Variants in PCID2 observed in about 807,000 individuals in gnomAD.
PCID2 encodes the protein PCI domain-containing protein 2.
PCID2 carries 41 observed loss-of-function variants against 61.3 expected under a neutral mutation model. The observed-to-expected ratio is 0.67, with a 90% confidence interval of 0.52 to 0.87. The LOEUF is 0.87. PCID2 is among the 40% of genes least tolerant of loss of function. The pLI, the probability that PCID2 is intolerant of heterozygous loss-of-function variation, is 0.00. For missense variants in PCID2, 392 were observed against 493.4 expected, an observed-to-expected ratio of 0.79 and a Z score of 1.95; for synonymous variants, 187 against 177.8, an observed-to-expected ratio of 1.05 and a Z score of -0.41.
rs375762372 is a variant in PCID2 at position 113,205,791 on chromosome 13, C to T, written c.36+2808G>A. On this transcript the variant is annotated intron_variant, in intron 1 of 13. Coordinates refer to ENST00000337344, the MANE Select transcript of PCID2 (RefSeq NM_001127202.4). The stretch of plus-strand genomic sequence containing the variant: ...TCCATACAGACAGAGAGCACATTAG[C>T]GGTTGACAAGCGCTCGGGAGGGAGG... 4.6e-5 allele frequency among the ~76,000 whole-genome samples: 7 copies of T among 152,306 alleles called. No homozygotes were observed. In the South Asian group the frequency reaches 8.3e-4, roughly 18 times the overall value.
intron 9 of PCID2, among the ~76,000 whole-genome samples, chr13:113,183,100 G>A (rs1482701570): frequency 6.6e-6 from 1 of 152,110 alleles, no homozygotes; most frequent in African/African-American, 2.4e-5. Context: ...CAAAATCTCT[G>A]CGAGCTACAA....
At chr13:113,190,442 G>C (rs376520190) in intron 7 of PCID2, among the ~76,000 whole-genome samples, 5 of 152,236 alleles carry the variant, frequency 3.3e-5, no homozygotes, top group Admixed American at 2.6e-4. Context: ...GTAGCAAATG[G>C]AGCCTTAAAA....
At chr13:113,205,899 A>G (rs1414652866) in intron 1 of PCID2, among the ~76,000 whole-genome samples, 2 of 152,244 alleles carry the variant, frequency 1.3e-5, no homozygotes, top group African/African-American at 4.8e-5. Context: ...GTTGTGCAAT[A>G]TTGTGAATGT....
the PCID2 span, among the ~76,000 whole-genome samples, chr13:113,167,860 T>C: frequency 6.6e-6 from 1 of 152,232 alleles, no homozygotes; most frequent in Non-Finnish European, 1.5e-5. Context: ...TCTTTTCCCC[T>C]TTTTCTGCCT....
Position 113,179,095 on chromosome 13 carries a change from AG to A in PCID2, c.987-7del. ...GTGTTTTCAGTAACAAATACCTGGA[AG>A]AGGGGAGGAGAAGGGCACTGTGGTT... On this transcript the variant is annotated splice_region_variant and splice_polypyrimidine_tract_variant and intron_variant, in intron 12 of 13. Transcript: ENST00000337344. This position sits in a 1 kb window ranked among gnomAD's most constrained non-coding sequence, Gnocchi z 4.3. 1 of 1,612,606 alleles carries A rather than the reference AG, an allele frequency of 6.2e-7. No individual in the cohort carries two copies. Among genetic ancestry groups the A allele is most frequent in the Non-Finnish European group, 8.5e-7 (1 of 1,179,254 alleles).
At chr13:113,198,120 G>A in intron 3 of PCID2, 71 bp downstream of exon 3, 5 of 1,025,136 alleles carry the variant, frequency 4.9e-6, no homozygotes, top group Non-Finnish European at 7.4e-6. Flanking sequence ...ACAAGATAAT[G>A]CAAGATAAAA....
At chr13:113,166,338 T>C in the PCID2 span, 2 of 152,248 alleles carry the variant, frequency 1.3e-5, no homozygotes, top group East Asian at 3.8e-4. Flanking sequence ...CTGGTGTGAA[T>C]TTACACTGAG....
rs189708927 is a variant in PCID2, at chr13:113,206,896, C to T, written c.36+1703G>A. On this transcript the variant is annotated intron_variant, in intron 1 of 13. Transcript: ENST00000337344. Reference sequence around the variant, plus strand: ...ACTTGTTCCCTGGGTCACCCCTTCCCTTCTCAGTCTTTCCCATCATGTGAC... The same window carrying T: ...ACTTGTTCCCTGGGTCACCCCTTCCTTTCTCAGTCTTTCCCATCATGTGAC... 2.0e-5 allele frequency among the ~76,000 whole-genome samples: 3 copies of T among 152,340 alleles called. No homozygotes were observed. The East Asian group carries it at 5.8e-4, about 29-fold the overall frequency.
intron 7 of PCID2, chr13:113,190,639 A>T (rs1159843546): frequency 6.1e-5 from 22 of 359,530 alleles, no homozygotes; most frequent in South Asian, 2.2e-4. Flanking sequence ...TCCTGCAGAG[A>T]GGAGCTCCAG....
chr13:113,182,358 G>A (rs1422207642), intron 9 of PCID2, among the ~76,000 whole-genome samples: 2 of 152,172 alleles, frequency 1.3e-5, no homozygotes, highest in East Asian at 1.9e-4. Flanking sequence ...CTGTGGGGCT[G>A]AGACCAAAGA....
chr13:113,192,193 G>C (rs769522000), intron 6 of PCID2, among the ~76,000 whole-genome samples: 9 of 152,244 alleles, frequency 5.9e-5, no homozygotes, highest in Non-Finnish European at 1.2e-4. Context: ...ACTCAAGGCT[G>C]CAGTGAGCTA....
intron 6 of PCID2, among the ~76,000 whole-genome samples, chr13:113,194,721 C>A (rs1566967946): frequency 6.6e-6 from 1 of 152,142 alleles, no homozygotes; most frequent in South Asian, 2.1e-4. Context: ...AAGCTGAATT[C>A]TTTTTGGTGG....
chr13:113,171,625 G>A, the PCID2 span: 4 of 1,614,038 alleles, frequency 2.5e-6, no homozygotes, highest in African/African-American at 1.3e-5. This position sits in a 1 kb window ranked among gnomAD's most constrained non-coding sequence, Gnocchi z 5.1. Flanking sequence ...ACCCGCTGAT[G>A]ATCAAGATAA....
At chr13:113,182,187 G>T (rs2037698929) in intron 9 of PCID2, among the ~76,000 whole-genome samples, 1 of 152,200 alleles carries the variant, frequency 6.6e-6, no homozygotes, top group African/African-American at 2.4e-5. Context: ...CCTGGGGTCT[G>T]GGTCGAGGCC....
chr13:113,175,146 G>A (rs1390508513), downstream of PCID2, among the ~76,000 whole-genome samples: 2 of 152,170 alleles, frequency 1.3e-5, no homozygotes, highest in Non-Finnish European at 2.9e-5. Context: ...GGAACTGTGA[G>A]TCCATTAAAC....
In PCID2 at chr13:113,198,176, T is replaced by C; in HGVS notation, c.200+15A>G. The C allele has an allele frequency of 1.3e-6, 2 of 1,558,716 alleles. No individual in the cohort carries two copies. The highest frequency in any genetic ancestry group is 2.3e-5 in the East Asian group (1 of 43,688). On this transcript the variant is annotated intron_variant, in intron 3 of 13. Coordinates refer to ENST00000337344, the MANE Select transcript of PCID2 (RefSeq NM_001127202.4). Reference sequence around the variant, plus strand: ...TTCCAGATGTGTGTGTTTTTCTTCCTCCCCAACAGATTACCTTAAATGAGC... The same window carrying C: ...TTCCAGATGTGTGTGTTTTTCTTCCCCCCCAACAGATTACCTTAAATGAGC...
chr13:113,178,883 TAAC>T, intron 13 of PCID2, 80 bp downstream of exon 13: 3 of 1,417,912 alleles, frequency 2.1e-6, no homozygotes, highest in Non-Finnish European at 2.9e-6. Context: ...TTAACAATTT[TAAC>T]ACCACCACAC....
At chr13:113,170,393 G>C in the PCID2 span, 1 of 1,421,882 alleles carries the variant, frequency 7.0e-7, no homozygotes, top group Non-Finnish European at 9.9e-7. Context: ...GCTATTTATT[G>C]TCTGTTTTGA....
chr13:113,196,151 G>A, intron 5 of PCID2, 30 bp downstream of exon 5: 1 of 1,569,070 alleles, frequency 6.4e-7, no homozygotes, highest in Non-Finnish European at 8.7e-7. Flanking sequence ...ATTGCCATTT[G>A]CTAATTCAGC....
Sources: gnomAD v4.1 joint callset for allele counts (sites outside exome capture counted in the v4.1 genomes callset) on GRCh38, gnomAD v4.1.1 for gene constraint, Gnocchi (gnomAD v3.1) non-coding constraint, MANE v1.5 for transcripts, NCBI Gene and HGNC (gene_info 2026-07-23, HGNC 2026-07-21) for gene names.